Variants in KIF16B observed in about 807,000 individuals in gnomAD.
The protein encoded by KIF16B is kinesin-like protein KIF16B.
A neutral mutation model predicts 156.3 loss-of-function variants in KIF16B; 98 were observed. That is an observed-to-expected ratio of 0.63 (90% CI 0.53 to 0.74). The LOEUF is 0.74. KIF16B is among the 30% of genes least tolerant of loss of function. KIF16B has a pLI of 0.00. For missense variants in KIF16B, 1,421 were observed against 1,606.5 expected (o/e 0.88, Z 1.97); for synonymous variants, 564 against 583.7 (o/e 0.97, Z 0.49).
intron 12 of KIF16B, among the ~76,000 whole-genome samples, chr20:16,479,295 A>C (rs1480737014): frequency 1.3e-5 from 2 of 152,162 alleles, no homozygotes; most frequent in African/African-American, 2.4e-5. Flanking sequence ...TACAAGTGGG[A>C]GTTGAACAAT....
chr20:16,374,268 G>T lies in KIF16B; in HGVS notation c.3339C>A (p.Leu1113=). ...TTCATGTCCAGTACCTGGCATCCAT[G>T]AGGGGAACCAGGTGTGATTTTTCAG... is the stretch of plus-strand genomic sequence containing the variant. ...VSAEKSHLVP[L]MDARINAYIE... is the part of the protein sequence containing the mutation. The change falls in exon 20 of 26, where the codon CTC becomes CTA. Residue 1113 remains leucine (L), a synonymous_variant. Transcript: ENST00000354981. The T allele has an allele frequency of 6.3e-7, 1 of 1,585,564 alleles. No individual in the cohort carries two copies. Among genetic ancestry groups the T allele is most frequent in the Non-Finnish European group, 8.6e-7 (1 of 1,163,700 alleles).
chr20:16,477,160 A>C (rs1219264318), intron 12 of KIF16B, among the ~76,000 whole-genome samples: 1 of 148,882 alleles, frequency 6.7e-6, no homozygotes, highest in African/African-American at 2.5e-5. Flanking sequence ...AAGTTATTTA[A>C]TTTCTCTTGC....
At chr20:16,516,778 G>A (rs2069157158) in intron 3 of KIF16B, among the ~76,000 whole-genome samples, 1 of 152,146 alleles carries the variant, frequency 6.6e-6, no homozygotes, top group Admixed American at 6.5e-5. Flanking sequence ...CAATCACTTG[G>A]GAGGCTTTGA....
intron 12 of KIF16B, among the ~76,000 whole-genome samples, chr20:16,454,562 T>C (rs2067166255): frequency 1.3e-5 from 2 of 151,994 alleles, no homozygotes; most frequent in Admixed American, 1.3e-4. Flanking sequence ...ATTTGATTTA[T>C]TTGAAAGCTG....
chr20:16,294,409 A>C (rs749209253), intron 25 of KIF16B, among the ~76,000 whole-genome samples: 5 of 152,178 alleles, frequency 3.3e-5, no homozygotes, highest in Non-Finnish European at 7.3e-5. Flanking sequence ...AGAGAAAAAG[A>C]GAAAAGCCAA....
At chr20:16,415,264 C>T (rs1167317724) in intron 15 of KIF16B, among the ~76,000 whole-genome samples, 4 of 152,054 alleles carry the variant, frequency 2.6e-5, no homozygotes, top group Non-Finnish European at 4.4e-5. Flanking sequence ...CCATTCTTGC[C>T]CAGTAGTCCA....
At chr20:16,559,537 C>T (rs1392737299) in intron 1 of KIF16B, among the ~76,000 whole-genome samples, 1 of 151,946 alleles carries the variant, frequency 6.6e-6, no homozygotes, top group Non-Finnish European at 1.5e-5. Context: ...GGAAGGCCAA[C>T]ACAGAAGGAT....
chr20:16,547,195 T>C (rs2070446701), intron 1 of KIF16B, among the ~76,000 whole-genome samples: 1 of 152,198 alleles, frequency 6.6e-6, no homozygotes. Context: ...AGCGTCCGCA[T>C]CCATCACCTC....
chr20:16,428,894 C>A (rs2146431396), intron 14 of KIF16B, 59 bp downstream of exon 14: 1 of 1,436,506 alleles, frequency 7.0e-7, no homozygotes, highest in South Asian at 1.2e-5. Flanking sequence ...CGAAAAAGTT[C>A]TTCCTTGAAT....
intron 1 of KIF16B, among the ~76,000 whole-genome samples, chr20:16,533,356 T>G (rs2143985): frequency 0.82 from 124,825 of 152,122 alleles, 51,672 homozygotes; most frequent in African/African-American, 0.94. Context: ...AGGTTCTCAG[T>G]CCCCACCTAA....
rs1160346666 is a variant in KIF16B at position 16,563,269 on chromosome 20, C to T, written c.47+9960G>A. Among the ~76,000 whole-genome samples the T allele has an allele frequency of 2.6e-5, 4 of 152,168 alleles. No homozygotes were observed. The East Asian group carries it at 5.8e-4, about 22-fold the overall frequency. ...CCTCCTTTGTGCTTGGATGAATGTG[C>T]GGGCTAAGTCCAAGCCAGTGCTGAC... On this transcript the variant is annotated intron_variant, in intron 1 of 25. Transcript: ENST00000354981.
chr20:16,442,310 T>C (rs557710510), intron 12 of KIF16B, among the ~76,000 whole-genome samples: 118 of 149,086 alleles, frequency 7.9e-4, no homozygotes, highest in Non-Finnish European at 1.3e-3. Context: ...CATTTGTTAA[T>C]TGGCTAGATT....
chr20:16,550,445 C>T (rs13041331), intron 1 of KIF16B, among the ~76,000 whole-genome samples: 20,436 of 151,808 alleles, frequency 0.13, 1,405 homozygotes, highest in South Asian at 0.18. Context: ...TGTGGCGATT[C>T]CTCAGGGATC....
intron 15 of KIF16B, among the ~76,000 whole-genome samples, chr20:16,420,430 G>C (rs947391237): frequency 6.6e-6 from 1 of 151,974 alleles, no homozygotes; most frequent in Non-Finnish European, 1.5e-5. Flanking sequence ...TTTTTTAATG[G>C]GACAGCCTAA....
intron 19 of KIF16B, among the ~76,000 whole-genome samples, chr20:16,377,886 TCTTAC>T (rs1164363026): frequency 3.9e-5 from 6 of 152,164 alleles, no homozygotes; most frequent in South Asian, 2.1e-4. Flanking sequence ...AGATAAATAT[TCTTAC>T]CTTACAAGAC....
At chr20:16,369,121 G>C in intron 22 of KIF16B, 1 of 985,810 alleles carries the variant, frequency 1.0e-6, no homozygotes, top group African/African-American at 1.7e-5. Flanking sequence ...AGTTGTTTTA[G>C]GGCCTGAGAC....
rs2065030278 is a variant in KIF16B, at chr20:16,379,298, GC to G, written c.2703del (p.Arg901SerfsTer38). ...DFEKIKPVEY[R>X]LQYKERQLQY... ...TGTAGCTGGCGTTCTTTATATTGCA[GC>G]CTGTACTCCACTGGCTTTATTTTCT... On this transcript the variant is annotated frameshift_variant, in exon 19 of 26. Transcript: ENST00000354981. LOFTEE classifies it high-confidence loss of function. 6.2e-7 allele frequency: 1 copy of G among 1,613,108 alleles called. No homozygotes were observed. The highest frequency in any genetic ancestry group is 1.3e-5 in the African/African-American group (1 of 74,990).
chr20:16,349,480 C>A (rs1043171133), intron 23 of KIF16B, among the ~76,000 whole-genome samples: 1 of 152,218 alleles, frequency 6.6e-6, no homozygotes. Flanking sequence ...TTTTGCCCTA[C>A]GAGTGCTGCC....
chr20:16,568,881 G>T (rs547448141), intron 1 of KIF16B, among the ~76,000 whole-genome samples: 1 of 135,284 alleles, frequency 7.4e-6, no homozygotes, highest in Admixed American at 7.3e-5. Context: ...TTAAGAAACT[G>T]ACTTTGACTT....
Sources: gnomAD v4.1 joint callset for allele counts (sites outside exome capture counted in the v4.1 genomes callset) on GRCh38, gnomAD v4.1.1 for gene constraint, MANE v1.5 for transcripts, NCBI Gene and HGNC (gene_info 2026-07-23, HGNC 2026-07-21) for gene names.